ARK2N: variants seen among roughly 807,000 people sequenced by gnomAD.
The protein encoded by ARK2N is protein ARK2N.
the ARK2N span, among the ~76,000 whole-genome samples, chr18:46,235,122 G>C: frequency 2.0e-5 from 3 of 152,318 alleles, no homozygotes; most frequent in African/African-American, 7.2e-5. Flanking sequence ...GACAACACTT[G>C]TGTTAGTGGG....
the ARK2N span, among the ~76,000 whole-genome samples, chr18:46,225,483 A>G: frequency 6.6e-6 from 1 of 152,008 alleles, no homozygotes; most frequent in Non-Finnish European, 1.5e-5. Context: ...TTTTGAGACG[A>G]AGTCTCGCTT....
chr18:46,181,875 T>G, the ARK2N span, among the ~76,000 whole-genome samples: 7 of 152,330 alleles, frequency 4.6e-5, no homozygotes, highest in South Asian at 1.2e-3. Flanking sequence ...CTCATAGTGC[T>G]GGGATTACAG....
chr18:46,201,526 C>G, the ARK2N span, among the ~76,000 whole-genome samples: 2 of 151,958 alleles, frequency 1.3e-5, no homozygotes, highest in African/African-American at 4.8e-5. Context: ...TTGCGGATTT[C>G]TTTGCTTTTT....
chr18:46,183,116 A>G, the ARK2N span, among the ~76,000 whole-genome samples: 1 of 152,104 alleles, frequency 6.6e-6, no homozygotes, highest in Non-Finnish European at 1.5e-5. Context: ...ATGTAATATG[A>G]TAGTCAGTGT....
chr18:46,262,678 C>T, the ARK2N span, among the ~76,000 whole-genome samples: 1 of 152,130 alleles, frequency 6.6e-6, no homozygotes, highest in Non-Finnish European at 1.5e-5. Flanking sequence ...TGACACAACT[C>T]AGGAGTTTCT....
the ARK2N span, among the ~76,000 whole-genome samples, chr18:46,255,435 C>T: frequency 8.9e-3 from 1,041 of 117,170 alleles, 8 homozygotes; most frequent in African/African-American, 0.033. Context: ...CTTTGCTTTT[C>T]TTTTCTTTTC....
chr18:46,233,464 AT>A, the ARK2N span, among the ~76,000 whole-genome samples: 5 of 152,186 alleles, frequency 3.3e-5, no homozygotes, highest in Non-Finnish European at 7.4e-5. Flanking sequence ...CAGGTGCCTC[AT>A]TTCTGTATTT....
At chr18:46,223,462 A>G in the ARK2N span, among the ~76,000 whole-genome samples, 2 of 152,218 alleles carry the variant, frequency 1.3e-5, no homozygotes, top group Non-Finnish European at 2.9e-5. Context: ...TTAGGCATTG[A>G]AAATAGGTGG....
chr18:46,220,119 TG>T, the ARK2N span, among the ~76,000 whole-genome samples: 3 of 152,222 alleles, frequency 2.0e-5, no homozygotes, highest in Non-Finnish European at 4.4e-5. Context: ...ACCTGCTTTG[TG>T]GTTAAATGCT....
At chr18:46,180,703 CA>C in the ARK2N span, among the ~76,000 whole-genome samples, 4,388 of 141,856 alleles carry the variant, frequency 0.031, 186 homozygotes, top group African/African-American at 0.1. Context: ...AACTCTGTCT[CA>C]AAAAAAAAAA....
chr18:46,210,577 A>T, the ARK2N span, among the ~76,000 whole-genome samples: 1 of 152,082 alleles, frequency 6.6e-6, no homozygotes, highest in East Asian at 1.9e-4. Context: ...AAATAAAATT[A>T]CTAGTCTAGG....
the ARK2N span, among the ~76,000 whole-genome samples, chr18:46,235,923 G>C: frequency 2.0e-5 from 3 of 152,208 alleles, no homozygotes; most frequent in East Asian, 5.8e-4. Flanking sequence ...AAACTAATTC[G>C]TAAAATTAAA....
At chr18:46,253,376 T>C in the ARK2N span, among the ~76,000 whole-genome samples, 2 of 152,244 alleles carry the variant, frequency 1.3e-5, no homozygotes, top group Admixed American at 6.5e-5. Context: ...GAGTTTGTTA[T>C]GGTTTAGGTA....
the ARK2N span, among the ~76,000 whole-genome samples, chr18:46,254,311 A>C: frequency 1.3e-5 from 2 of 152,218 alleles, no homozygotes; most frequent in African/African-American, 4.8e-5. Flanking sequence ...CTGTTTTTAC[A>C]GAGTGTATTT....
chr18:46,190,698 T>C, the ARK2N span, among the ~76,000 whole-genome samples: 1 of 152,154 alleles, frequency 6.6e-6, no homozygotes, highest in Admixed American at 6.6e-5. Context: ...GATTATGCTG[T>C]ATCTAAAGTT....
the ARK2N span, among the ~76,000 whole-genome samples, chr18:46,204,929 C>CTTTTTTTTTTTTTT: frequency 6.9e-6 from 1 of 145,616 alleles, no homozygotes; most frequent in Non-Finnish European, 1.5e-5. Flanking sequence ...TTTCTTTTTT[C>CTTTTTTTTTTTTTT]TTTTTTTTTT....
At chr18:46,246,584 G>T in the ARK2N span, among the ~76,000 whole-genome samples, 1 of 147,592 alleles carries the variant, frequency 6.8e-6, no homozygotes, top group Non-Finnish European at 1.5e-5. Context: ...TCTGTATTTA[G>T]CACCCCCATC....
the ARK2N span, among the ~76,000 whole-genome samples, chr18:46,175,933 A>G: frequency 6.6e-6 from 1 of 152,192 alleles, no homozygotes; most frequent in Non-Finnish European, 1.5e-5. Context: ...TTACTTATTC[A>G]CTTTATATTT....
chr18:46,246,561 A>G, the ARK2N span, among the ~76,000 whole-genome samples: 1 of 149,152 alleles, frequency 6.7e-6, no homozygotes, highest in African/African-American at 2.5e-5. Context: ...AGTTGTTAAC[A>G]TTCACGAGGC....
Sources: allele counts gnomAD v4.1 joint callset (sites outside exome capture counted in the v4.1 genomes callset), GRCh38; gene constraint gnomAD v4.1.1; transcripts MANE v1.5; gene names NCBI Gene and HGNC (gene_info 2026-07-23, HGNC 2026-07-21).